The following FANCC variants were observed in gnomAD, a reference collection of about 807,000 sequenced individuals.
FANCC encodes the protein Fanconi anemia group C protein.
In FANCC, 55 loss-of-function variants were observed where a neutral mutation model predicts 71.3. That is an observed-to-expected ratio of 0.77 (90% CI 0.62 to 0.97). The LOEUF is 0.97. Among genes scored for constraint, FANCC ranks in the 50% least tolerant of loss-of-function variants. The pLI is 0.00. For synonymous variants in FANCC, 275 were observed against 244.9 expected, an observed-to-expected ratio of 1.12 and a Z score of -1.15; for missense variants, 678 against 670.9, an observed-to-expected ratio of 1.01 and a Z score of -0.12.
intron 6 of FANCC, among the ~76,000 whole-genome samples, chr9:95,168,161 T>C (rs548202284): frequency 1.9e-4 from 29 of 152,342 alleles, no homozygotes; most frequent in East Asian, 1.5e-3. Context: ...TGCAACAAGC[T>C]GCTGAGCTCT....
intron 14 of FANCC, among the ~76,000 whole-genome samples, chr9:95,105,638 C>T (rs1412229844): frequency 1.3e-5 from 2 of 152,160 alleles, no homozygotes; most frequent in Non-Finnish European, 2.9e-5. Flanking sequence ...TCCATGATCC[C>T]CACACTGACT....
chr9:95,255,125 G>A lies in FANCC; in HGVS notation c.-78-5756C>T, dbSNP rs555907181. On this transcript the variant is annotated intron_variant, in intron 1 of 14. Transcript: ENST00000289081. ...CCTGGGGGAAGGGGTGGCTGTGGGC[G>A]CAGCTATAGCAGAATTAAACGTTCC... 5.9e-5 allele frequency among the ~76,000 whole-genome samples: 9 copies of A among 152,214 alleles called. No individual in the cohort carries two copies. The South Asian group carries it at 1.0e-3, about 18-fold the overall frequency.
intron 7 of FANCC, 74 bp downstream of exon 7, chr9:95,149,849 G>A: frequency 6.7e-7 from 1 of 1,497,664 alleles, no homozygotes; most frequent in Non-Finnish European, 9.1e-7. Flanking sequence ...CTGTCGTACA[G>A]TCTTTCCAAC....
chr9:95,303,133 A>G (rs976676130), intron 1 of FANCC, among the ~76,000 whole-genome samples: 20 of 152,364 alleles, frequency 1.3e-4, no homozygotes, highest in African/African-American at 4.8e-4. Context: ...TGTCCATCCA[A>G]TACTGCAGGC....
intron 8 of FANCC, among the ~76,000 whole-genome samples, chr9:95,134,547 A>C (rs1827367800): frequency 6.6e-6 from 1 of 152,240 alleles, no homozygotes. Context: ...ACGAAAGCTA[A>C]AGGGAAAAAG....
rs1477098291 is a variant in FANCC at position 95,110,835 on chromosome 9, A to ATT, written c.1329+626_1329+627dup. ...AATCAAAGCATTGCTTCCTGTAATTATTATATTCCACATAAAATAACAACT... is the reference window on the plus strand; with the variant it reads ...AATCAAAGCATTGCTTCCTGTAATTATTTTATATTCCACATAAAATAACAACT... On this transcript the variant is annotated intron_variant, in intron 13 of 14. Transcript: ENST00000289081. The ATT allele has an allele frequency of 2.6e-6, 3 of 1,165,728 alleles. No homozygotes were observed. The African/African-American group carries it at 4.6e-5, about 18-fold the overall frequency. 72.2% of individuals were successfully genotyped at this position (1,165,728 alleles called of 1,614,324 possible). A position where few individuals can be genotyped will look rare whatever the true frequency, so the allele number is the denominator to read the frequency against.
intron 6 of FANCC, among the ~76,000 whole-genome samples, chr9:95,161,086 C>G (rs1830719787): frequency 6.6e-6 from 1 of 152,012 alleles, no homozygotes; most frequent in South Asian, 2.1e-4. Context: ...AGGAAAATAC[C>G]ACAGCCCTAA....
At chr9:95,114,732 T>C in intron 11 of FANCC, 22 bp from the exon 12 acceptor site, 5 of 1,606,608 alleles carry the variant, frequency 3.1e-6, no homozygotes, top group Non-Finnish European at 4.3e-6. Flanking sequence ...GAGAGATACG[T>C]CAGAGGGCAA....
intron 1 of FANCC, among the ~76,000 whole-genome samples, chr9:95,252,274 C>CAAAAA (rs71366284): frequency 1.2e-4 from 6 of 50,136 alleles, no homozygotes; most frequent in Admixed American, 2.8e-4. Flanking sequence ...GAGACTGATT[C>CAAAAA]AAAAAAAAAA....
intron 4 of FANCC, among the ~76,000 whole-genome samples, chr9:95,209,614 G>A (rs1468654282): frequency 6.6e-6 from 1 of 152,140 alleles, no homozygotes; most frequent in Non-Finnish European, 1.5e-5. Flanking sequence ...CTATCTGTTG[G>A]GAGCAGTTCT....
intron 7 of FANCC, among the ~76,000 whole-genome samples, chr9:95,144,233 A>G (rs1157423993): frequency 1.3e-5 from 2 of 152,224 alleles, no homozygotes; most frequent in East Asian, 1.9e-4. Context: ...GAAAGTGTCC[A>G]TGGAGAGGCT....
At chr9:95,235,717 G>A (rs4744449) in intron 4 of FANCC, among the ~76,000 whole-genome samples, 1 of 151,892 alleles carries the variant, frequency 6.6e-6, no homozygotes, top group Non-Finnish European at 1.5e-5. Flanking sequence ...GGTGGCGCAT[G>A]CCTGTAATCT....
chr9:95,312,857 C>G (rs1485590201), intron 1 of FANCC, among the ~76,000 whole-genome samples: 1 of 152,194 alleles, frequency 6.6e-6, no homozygotes, highest in Non-Finnish European at 1.5e-5. Flanking sequence ...CCATGGCTCA[C>G]TGAATACGAG....
chr9:95,292,701 G>T, intron 1 of FANCC: 1 of 1,335,176 alleles, frequency 7.5e-7, no homozygotes, highest in Non-Finnish European at 1.1e-6. Context: ...AATAAGAAAA[G>T]ATTTGAAAAC....
chr9:95,173,178 G>A (rs1295902090), intron 4 of FANCC, among the ~76,000 whole-genome samples: 6 of 152,152 alleles, frequency 3.9e-5, no homozygotes, highest in Non-Finnish European at 8.8e-5. Flanking sequence ...GAATAGCTAA[G>A]CTGTATGGGG....
At position 95,252,814 on chromosome 9, in the gene FANCC, G is replaced by A. The variant is rs114121780; in HGVS notation, c.-78-3445C>T. Among the ~76,000 whole-genome samples the A allele has an allele frequency of 3.7e-3, 552 of 149,758 alleles. 5 individuals carry two copies. The highest frequency in any genetic ancestry group is 0.012 in the African/African-American group (490 of 40,730). On this transcript the variant is annotated intron_variant, in intron 1 of 14. Transcript: ENST00000289081. Reference sequence around the variant, plus strand: ...CCTGTAATCCCAGCATTTGGCAGGCGGTCACAGGAGCATCGCTTGAGGCCA... The same window carrying A: ...CCTGTAATCCCAGCATTTGGCAGGCAGTCACAGGAGCATCGCTTGAGGCCA...
At chr9:95,135,245 G>A in intron 8 of FANCC, 101 bp downstream of exon 8, 2 of 1,149,276 alleles carry the variant, frequency 1.7e-6, no homozygotes, top group Non-Finnish European at 1.3e-6. Flanking sequence ...GGTTCCAATT[G>A]CTCTTTTGTT....
At chr9:95,286,866 C>G (rs540128102) in intron 1 of FANCC, among the ~76,000 whole-genome samples, 1 of 152,252 alleles carries the variant, frequency 6.6e-6, no homozygotes, top group African/African-American at 2.4e-5. Context: ...ATGAACATAT[C>G]TTTATAAATC....
chr9:95,172,560 G>GA (rs1329217402), intron 4 of FANCC, among the ~76,000 whole-genome samples: 1 of 151,970 alleles, frequency 6.6e-6, no homozygotes, highest in Non-Finnish European at 1.5e-5. Flanking sequence ...ACACATGCGT[G>GA]AAACACCCAA....
Sources: allele counts gnomAD v4.1 joint callset (sites outside exome capture counted in the v4.1 genomes callset), GRCh38; gene constraint gnomAD v4.1.1; transcripts MANE v1.5; gene names NCBI Gene and HGNC (gene_info 2026-07-23, HGNC 2026-07-21).